Variants in NPAS1 observed in about 807,000 individuals in gnomAD.
NPAS1 encodes the protein neuronal PAS domain protein 1.
A neutral mutation model predicts 49.2 loss-of-function variants in NPAS1; 29 were observed. That is an observed-to-expected ratio of 0.59 (90% CI 0.44 to 0.80). The LOEUF is 0.80. Among genes scored for constraint, NPAS1 ranks in the 30% least tolerant of loss-of-function variants. NPAS1 has a pLI of 0.00. For synonymous variants in NPAS1, 408 were observed against 380.4 expected (o/e 1.07, Z -0.84); for missense variants, 825 against 835.5 (o/e 0.99, Z 0.15).
chr19:47,025,575 G>A (rs757178346), intron 3 of NPAS1, among the ~76,000 whole-genome samples: 7 of 151,724 alleles, frequency 4.6e-5, no homozygotes, highest in African/African-American at 1.7e-4. Flanking sequence ...ACCGCACCCA[G>A]CCCTTTTTAA....
intron 7 of NPAS1, 107 bp from the exon 8 acceptor site, chr19:47,039,300 C>T: frequency 4.6e-6 from 7 of 1,518,958 alleles, no homozygotes; most frequent in Non-Finnish European, 4.5e-6. Flanking sequence ...ACACAGTGTC[C>T]AGTCCTCCAG....
intron 4 of NPAS1, 135 bp from the exon 5 acceptor site, chr19:47,032,508 C>A (rs1291964813): frequency 1.9e-6 from 2 of 1,080,746 alleles, no homozygotes; most frequent in Non-Finnish European, 2.8e-6. Flanking sequence ...CTTCCGAGGA[C>A]CACTGAAGCC....
chr19:47,024,578 G>C (rs531463866), intron 3 of NPAS1, among the ~76,000 whole-genome samples: 3 of 152,198 alleles, frequency 2.0e-5, no homozygotes, highest in Non-Finnish European at 4.4e-5. Flanking sequence ...TTACAGAAGT[G>C]TGTGCCCAAG....
chr19:47,037,949 C>T (rs751308349), intron 6 of NPAS1, among the ~76,000 whole-genome samples: 3 of 152,240 alleles, frequency 2.0e-5, no homozygotes, highest in Admixed American at 6.5e-5. Context: ...GTGACCATGA[C>T]AGCTCCAGCC....
intron 10 of NPAS1, 53 bp downstream of exon 10, chr19:47,041,178 C>A: frequency 6.9e-7 from 1 of 1,457,750 alleles, no homozygotes; most frequent in Non-Finnish European, 9.0e-7. Flanking sequence ...TGCTGTCTCT[C>A]CCCACCTCCA....
At position 47,039,557 on chromosome 19, in the gene NPAS1, G is replaced by A; in HGVS notation, c.955G>A (p.Glu319Lys). Residue 319 changes from glutamate to lysine, a missense_variant, in exon 8 of 12, where the codon GAG (glutamate) becomes AAG (lysine). Coordinates refer to ENST00000602212, the MANE Select transcript of NPAS1 (RefSeq NM_002517.4). Reference sequence around the variant, plus strand: ...CCTGGGTCTCACCATCCTTGCTTGTGAGAGCAGGTACCGGGGTTGGGGGCT... The same window carrying A: ...CCTGGGTCTCACCATCCTTGCTTGTAAGAGCAGGTACCGGGGTTGGGGGCT... ...LSLGLTILACESRVSDHMDLG... is the reference protein window; with the variant it reads ...LSLGLTILACKSRVSDHMDLG... 6.4e-7 allele frequency: 1 copy of A among 1,571,630 alleles called. No homozygotes were observed. The highest frequency in any genetic ancestry group is 8.7e-7 in the Non-Finnish European group (1 of 1,155,252).
Position 47,039,444 on chromosome 19 carries a change from T to C in NPAS1, c.842T>C (p.Leu281Pro). 6.2e-7 allele frequency: 1 copy of C among 1,611,916 alleles called. No individual in the cohort carries two copies. The highest frequency in any genetic ancestry group is 8.5e-7 in the Non-Finnish European group (1 of 1,179,806). The change falls in exon 8 of 12, where the codon CTG (leucine) becomes CCG (proline). Residue 281 changes from leucine to proline, a missense_variant. Transcript: ENST00000602212. ...HVTGRLRAHA[L>P]GLVALGHTLP... ...ACTGGGCGCCTTCGGGCCCACGCCC[T>C]GGGCCTTGTGGCCCTCGGGCACACG...
At chr19:47,032,216 G>T in intron 3 of NPAS1, 62 bp from the exon 4 acceptor site, 1 of 1,485,740 alleles carries the variant, frequency 6.7e-7, no homozygotes, top group Non-Finnish European at 9.3e-7. Flanking sequence ...ACTGGCTCCC[G>T]GGGGACCTGC....
intron 11 of NPAS1, among the ~76,000 whole-genome samples, 162 bp from the exon 12 acceptor site, chr19:47,045,029 C>CAAAAAAA (rs774928609): frequency 6.8e-6 from 1 of 146,812 alleles, no homozygotes; most frequent in African/African-American, 2.6e-5. Context: ...GACTCCGTCT[C>CAAAAAAA]ACAAAAAAAC....
rs1464314399 is a variant in NPAS1, at chr19:47,021,591, T to C, written c.123-21T>C. On this transcript the variant is annotated intron_variant, in intron 2 of 11. Coordinates refer to ENST00000602212, the MANE Select transcript of NPAS1 (RefSeq NM_002517.4). This position sits in a 1 kb window ranked among gnomAD's most constrained non-coding sequence, Gnocchi z 5.7. Reference sequence around the variant, plus strand: ...TGAGCCCCGGGGCCCCGCCGACACCTCCTCCGCGCCGCCCGCCCAGCCTGC... The same window carrying C: ...TGAGCCCCGGGGCCCCGCCGACACCCCCTCCGCGCCGCCCGCCCAGCCTGC... 1.4e-6 allele frequency: 2 copies of C among 1,438,708 alleles called. No individual in the cohort carries two copies. The highest frequency in any genetic ancestry group is 2.6e-5 in the Admixed American group (1 of 38,518). 89.1% of individuals were successfully genotyped at this position (1,438,708 alleles called of 1,614,324 possible).
At chr19:47,032,591 C>A in intron 4 of NPAS1, 52 bp from the exon 5 acceptor site, 1 of 1,526,620 alleles carries the variant, frequency 6.6e-7, no homozygotes, top group Non-Finnish European at 9.1e-7. Flanking sequence ...GGCGGCTGGA[C>A]AGAGGGACAC....
intron 11 of NPAS1, among the ~76,000 whole-genome samples, chr19:47,043,221 G>A (rs1235531322): frequency 7.0e-6 from 1 of 142,930 alleles, no homozygotes; most frequent in African/African-American, 2.7e-5. Flanking sequence ...GCTTGAACCC[G>A]GGAGGCGGAG....
intron 3 of NPAS1, among the ~76,000 whole-genome samples, chr19:47,031,190 T>G (rs2056902776): frequency 1.2e-5 from 1 of 82,958 alleles, no homozygotes; most frequent in African/African-American, 3.2e-5. Flanking sequence ...TTTGTGTGTG[T>G]GTGTTTTTTT....
intron 9 of NPAS1, 40 bp downstream of exon 9, chr19:47,040,590 C>T (rs746395258): frequency 7.1e-7 from 1 of 1,409,272 alleles, no homozygotes; most frequent in South Asian, 1.2e-5. Flanking sequence ...CCTACCACCC[C>T]CCAGACCCGA....
At chr19:47,027,278 A>G (rs2056876969) in intron 3 of NPAS1, among the ~76,000 whole-genome samples, 1 of 151,374 alleles carries the variant, frequency 6.6e-6, no homozygotes, top group South Asian at 2.1e-4. Flanking sequence ...GTGACGGGGG[A>G]GATCTGGGAA....
chr19:47,020,345 C>A (rs1031365336), intron 1 of NPAS1, among the ~76,000 whole-genome samples: 1 of 151,778 alleles, frequency 6.6e-6, no homozygotes, highest in African/African-American at 2.4e-5. Flanking sequence ...ATCCTGGGGG[C>A]GTCCTGGGGC....
At chr19:47,040,404 G>A (rs989991604) in intron 8 of NPAS1, 40 bp from the exon 9 acceptor site, 14 of 1,397,496 alleles carry the variant, frequency 1.0e-5, no homozygotes, top group African/African-American at 1.4e-5. Context: ...CCCCAACCCC[G>A]TGGTCTTGGA....
chr19:47,021,201 C>T lies in NPAS1; in HGVS notation c.122+32C>T. The T allele has an allele frequency of 1.5e-6, 2 of 1,350,124 alleles. No homozygotes were observed. The highest frequency in any genetic ancestry group is 2.0e-6 in the Non-Finnish European group (2 of 1,017,094). The allele number at this position is 1,350,124 out of a possible 1,614,324, so 83.6% of individuals were successfully genotyped here. A position where few individuals can be genotyped will look rare whatever the true frequency, so the allele number is the denominator to read the frequency against. On this transcript the variant is annotated intron_variant, in intron 2 of 11. Transcript: ENST00000602212. The surrounding 1 kb of genome is among the most constrained non-coding windows in gnomAD (Gnocchi z 5.7). ...AAAGCCCCGCCCCCCTGGCCGCGGG[C>T]CCCCCCCCGGGTCCAATTCACACCC...
In NPAS1 at chr19:47,040,473, C is replaced by G. The variant is rs761929507; in HGVS notation, c.992C>G (p.Ser331Ter). The change falls in exon 9 of 12, where the codon TCA becomes TGA. Residue 331 changes from serine (S) to a stop codon, truncating the protein, a stop_gained. Transcript: ENST00000602212. LOFTEE classifies it high-confidence loss of function. The stretch of plus-strand genomic sequence containing the variant: ...AGCGACCACATGGACCTGGGGCCCT[C>G]AGAGCTGGTGGGCCGCAGCTGCTAC... ...RVSDHMDLGP[S>*]ELVGRSCYQF... 1.2e-5 allele frequency: 20 copies of G among 1,603,388 alleles called. No homozygotes were observed. Among genetic ancestry groups the G allele is most frequent in the Non-Finnish European group, 1.7e-5 (20 of 1,175,564 alleles).
Sources: allele counts gnomAD v4.1 joint callset (sites outside exome capture counted in the v4.1 genomes callset), GRCh38; gene constraint gnomAD v4.1.1; non-coding constraint Gnocchi (gnomAD v3.1); transcripts MANE v1.5; gene names NCBI Gene and HGNC (gene_info 2026-07-23, HGNC 2026-07-21).